The following GPR39 variants were observed in gnomAD, a reference collection of about 807,000 sequenced individuals.
GPR39 encodes zinc sensing receptor.
GPR39 carries 23 observed loss-of-function variants against 18.4 expected under a neutral mutation model. The observed-to-expected ratio is 1.25, with a 90% CI of 0.90 to 1.77. GPR39 has a LOEUF of 1.77. Ranked by LOEUF, GPR39 falls within the 40% of genes most tolerant of loss-of-function variation. The pLI, the probability that GPR39 is intolerant of heterozygous loss-of-function variation, is 0.00. For missense variants in GPR39, 647 were observed against 602.4 expected (o/e 1.07, Z -0.78); for synonymous variants, 280 against 257.9 (o/e 1.09, Z -0.82).
intron 1 of GPR39, 29 bp downstream of exon 1, chr2:132,417,927 A>C (rs757030942): frequency 1.9e-6 from 3 of 1,544,442 alleles, no homozygotes; most frequent in South Asian, 1.2e-5. Flanking sequence ...GCAACACGTG[A>C]GCAGCTTCCC....
At position 132,555,766 on chromosome 2, in the gene GPR39, G is replaced by A. The variant is rs561872899; in HGVS notation, c.857-89335G>A. Among the ~76,000 whole-genome samples, 6 of 152,218 alleles carry A rather than the reference G, an allele frequency of 3.9e-5. No individual in the cohort carries two copies. The East Asian group carries it at 1.2e-3, about 29-fold the overall frequency. On this transcript the variant is annotated intron_variant, in intron 1 of 1. Transcript: ENST00000329321. ...ACTTCAAGGCTGACTATGACACAGA[G>A]CTGAGACACAAAGGTACTTAGTTAA...
At chr2:132,635,602 G>A (rs183092492) in intron 1 of GPR39, among the ~76,000 whole-genome samples, 10 of 152,190 alleles carry the variant, frequency 6.6e-5, no homozygotes, top group Admixed American at 2.0e-4. Context: ...AAAAAGCAGC[G>A]TGTGCAGAGG....
intron 1 of GPR39, among the ~76,000 whole-genome samples, chr2:132,623,245 A>G (rs1243540298): frequency 1.3e-5 from 2 of 152,190 alleles, no homozygotes; most frequent in Non-Finnish European, 2.9e-5. Flanking sequence ...GAGGCAGTGG[A>G]GCCCCTGGGA....
At chr2:132,642,182 A>G (rs1455673510) in intron 1 of GPR39, among the ~76,000 whole-genome samples, 1 of 152,228 alleles carries the variant, frequency 6.6e-6, no homozygotes, top group Non-Finnish European at 1.5e-5. Flanking sequence ...TCTGGTGCAC[A>G]ATATGAAAAT....
chr2:132,463,582 AG>A (rs1680871965), intron 1 of GPR39, among the ~76,000 whole-genome samples: 1 of 152,138 alleles, frequency 6.6e-6, no homozygotes, highest in African/African-American at 2.4e-5. Flanking sequence ...AGGAGAAGAG[AG>A]GCAAGAAAAA....
intron 1 of GPR39, among the ~76,000 whole-genome samples, chr2:132,569,309 A>G (rs1680402525): frequency 6.6e-6 from 1 of 152,086 alleles, no homozygotes; most frequent in Non-Finnish European, 1.5e-5. Flanking sequence ...ATTTATCAAA[A>G]TAATTTGAGC....
chr2:132,508,052 C>G (rs1403973595), intron 1 of GPR39, among the ~76,000 whole-genome samples: 1 of 152,146 alleles, frequency 6.6e-6, no homozygotes, highest in Non-Finnish European at 1.5e-5. Flanking sequence ...TGGTTCAAAG[C>G]CCCAACCCTA....
Position 132,645,496 on chromosome 2 carries a change from G to T in GPR39, c.1252G>T (p.Glu418Ter). 9 of 1,613,774 alleles carry T rather than the reference G, an allele frequency of 5.6e-6. No individual in the cohort carries two copies. Among genetic ancestry groups the T allele is most frequent in the Non-Finnish European group, 7.6e-6 (9 of 1,180,040 alleles). Residue 418 changes from glutamate to a stop codon, truncating the protein, a stop_gained, in exon 2 of 2, where the codon GAG becomes TAG. Transcript: ENST00000329321. LOFTEE classifies it low-confidence loss of function (END_TRUNC). The part of the protein sequence containing the change: ...IFLSTFQSEA[E>*]PQSKSQSLSL... ...CTTAAGCACTTTTCAGAGCGAGGCC[G>T]AGCCCCAGTCTAAGTCCCAGTCATT...
intron 1 of GPR39, among the ~76,000 whole-genome samples, chr2:132,605,424 T>A (rs911269089): frequency 2.6e-5 from 4 of 151,882 alleles, no homozygotes; most frequent in African/African-American, 7.3e-5. Flanking sequence ...AGTGGCCTGG[T>A]GCTTCTTGGC....
intron 1 of GPR39, among the ~76,000 whole-genome samples, chr2:132,570,573 A>G (rs1172836704): frequency 6.6e-6 from 1 of 152,168 alleles, no homozygotes; most frequent in Non-Finnish European, 1.5e-5. Context: ...TTAAAATGTC[A>G]GGTTTCTCCT....
At chr2:132,444,835 T>C (rs1680505539) in intron 1 of GPR39, among the ~76,000 whole-genome samples, 1 of 152,174 alleles carries the variant, frequency 6.6e-6, no homozygotes, top group Non-Finnish European at 1.5e-5. Context: ...CCTTCAAGGT[T>C]TGAAAAAGCT....
chr2:132,440,622 C>T (rs1445651747), intron 1 of GPR39, among the ~76,000 whole-genome samples: 2 of 152,102 alleles, frequency 1.3e-5, no homozygotes, highest in African/African-American at 2.4e-5. Context: ...GAAAGGGATC[C>T]ACTAGTTAAC....
At chr2:132,525,337 T>A (rs1679488828) in intron 1 of GPR39, among the ~76,000 whole-genome samples, 1 of 152,172 alleles carries the variant, frequency 6.6e-6, no homozygotes, top group Non-Finnish European at 1.5e-5. Context: ...GATAATAATG[T>A]CTTCTTTGCA....
intron 1 of GPR39, among the ~76,000 whole-genome samples, chr2:132,489,959 C>T (rs895429398): frequency 2.6e-5 from 4 of 151,754 alleles, no homozygotes; most frequent in Non-Finnish European, 4.4e-5. Context: ...CTCTGGGAGG[C>T]CCCAGAGAGA....
Position 132,417,179 on chromosome 2 carries a change from TG to T in GPR39, c.141del (p.Asn48ThrfsTer21). 1 of 1,614,144 alleles carries T rather than the reference TG, an allele frequency of 6.2e-7. No individual in the cohort carries two copies. On this transcript the variant is annotated frameshift_variant, in exon 1 of 2. Coordinates refer to ENST00000329321, the MANE Select transcript of GPR39 (RefSeq NM_001508.3). LOFTEE classifies it high-confidence loss of function. ...VYLIIFVMGLLGNSATIRVTQ... is the reference protein window; with the variant it reads ...VYLIIFVMGLXGNSATIRVTQ... ...CTGATCATCTTCGTGATGGGCCTTC[TG>T]GGGAACAGCGCCACCATTCGGGTCA...
chr2:132,475,172 C>T (rs1292971262), intron 1 of GPR39, among the ~76,000 whole-genome samples: 2 of 152,078 alleles, frequency 1.3e-5, no homozygotes, highest in Non-Finnish European at 2.9e-5. Context: ...TTAATGTTCT[C>T]ATGTCAATCA....
chr2:132,546,609 T>C (rs1482935713), intron 1 of GPR39, among the ~76,000 whole-genome samples: 1 of 152,030 alleles, frequency 6.6e-6, no homozygotes, highest in East Asian at 1.9e-4. Context: ...GATGTGGTCA[T>C]TCCAACCAAA....
intron 1 of GPR39, among the ~76,000 whole-genome samples, chr2:132,618,545 G>T (rs1230104043): frequency 1.3e-5 from 2 of 152,158 alleles, no homozygotes; most frequent in East Asian, 3.9e-4. Flanking sequence ...GTGAAGAAGA[G>T]TTAAGTACAC....
chr2:132,470,935 C>G (rs1392587157), intron 1 of GPR39, among the ~76,000 whole-genome samples: 1 of 152,204 alleles, frequency 6.6e-6, no homozygotes, highest in East Asian at 1.9e-4. Flanking sequence ...TTTGCAACCT[C>G]TGTGTGTGGG....
Sources: gnomAD v4.1 joint callset for allele counts (sites outside exome capture counted in the v4.1 genomes callset) on GRCh38, gnomAD v4.1.1 for gene constraint, MANE v1.5 for transcripts, NCBI Gene and HGNC (gene_info 2026-07-23, HGNC 2026-07-21) for gene names.